Variants in PIK3R6 observed in about 807,000 individuals in gnomAD.
PIK3R6 encodes the protein phosphoinositide-3-kinase regulatory subunit 6.
A neutral mutation model predicts 84.9 loss-of-function variants in PIK3R6; 91 were observed. The ratio of observed to expected loss-of-function variants is 1.07; its 90% CI spans 0.90 to 1.28. PIK3R6 has a LOEUF of 1.28. Among genes scored for constraint, PIK3R6 ranks in the 50% most tolerant of loss-of-function variants. The pLI, the probability that PIK3R6 is intolerant of heterozygous loss-of-function variation, is 0.00. For missense variants in PIK3R6, 996 were observed against 985.1 expected, an observed-to-expected ratio of 1.01 and a Z score of -0.15; for synonymous variants, 416 against 411.4, an observed-to-expected ratio of 1.01 and a Z score of -0.13.
chr17:8,866,308 TG>T (rs1424165650), intron 1 of PIK3R6, among the ~76,000 whole-genome samples: 1 of 151,832 alleles, frequency 6.6e-6, no homozygotes, highest in Non-Finnish European at 1.5e-5. Context: ...GAGGCCGAGG[TG>T]GGTGGATCAC....
chr17:8,821,763 T>C lies in PIK3R6; in HGVS notation c.1879+83A>G, dbSNP rs1409870104. 4 of 1,401,746 alleles carry C rather than the reference T, an allele frequency of 2.9e-6. No individual in the cohort carries two copies. The East Asian group carries it at 7.6e-5, about 27-fold the overall frequency. The allele number at this position is 1,401,746 out of a possible 1,614,324, so 86.8% of individuals were successfully genotyped here. The stretch of plus-strand genomic sequence containing the variant: ...GTTCCGTGACTGAGAGGGCTCCCCC[T>C]TCTCCTGCCACTCTGCCCTCTCCCC... On this transcript the variant is annotated intron_variant, in intron 17 of 19. Transcript: ENST00000619866.
intron 1 of PIK3R6, among the ~76,000 whole-genome samples, chr17:8,853,973 A>C (rs2089055509): frequency 2.0e-5 from 3 of 152,080 alleles, no homozygotes; most frequent in African/African-American, 7.2e-5. Context: ...AAAAAAAAAA[A>C]AAAAGTCAAT....
intron 1 of PIK3R6, among the ~76,000 whole-genome samples, chr17:8,857,405 C>A (rs2089167254): frequency 6.6e-6 from 1 of 152,184 alleles, no homozygotes; most frequent in Non-Finnish European, 1.5e-5. Context: ...GGGGTCATGG[C>A]CACTTCCCCT....
intron 1 of PIK3R6, among the ~76,000 whole-genome samples, chr17:8,863,490 C>A (rs1488541348): frequency 1.3e-5 from 2 of 152,064 alleles, no homozygotes; most frequent in Non-Finnish European, 2.9e-5. Flanking sequence ...AAACTTCATA[C>A]CCTTTGACCA....
chr17:8,838,296 C>T (rs2088552932), intron 4 of PIK3R6: 1 of 471,080 alleles, frequency 2.1e-6, no homozygotes, highest in Admixed American at 3.6e-5. Context: ...TTATAGGTAC[C>T]TTCTGTTTCT....
intron 12 of PIK3R6, among the ~76,000 whole-genome samples, chr17:8,827,851 C>T (rs987008128): frequency 5.1e-5 from 7 of 136,364 alleles, no homozygotes; most frequent in Non-Finnish European, 1.1e-4. Context: ...CAACTAATTC[C>T]ATTACCTACA....
intron 8 of PIK3R6, among the ~76,000 whole-genome samples, chr17:8,833,839 C>T (rs533786896): frequency 1.1e-4 from 16 of 151,888 alleles, no homozygotes; most frequent in African/African-American, 3.1e-4. Context: ...CGCGCTTGGC[C>T]GAAAGTGACT....
intron 1 of PIK3R6, among the ~76,000 whole-genome samples, chr17:8,866,755 G>A (rs766426091): frequency 1.2e-4 from 19 of 152,100 alleles, no homozygotes; most frequent in Non-Finnish European, 2.2e-4. Context: ...CCCTGAGCCC[G>A]CACCCTGCAG....
intron 7 of PIK3R6, among the ~76,000 whole-genome samples, chr17:8,836,168 C>T (rs1057449807): frequency 3.3e-5 from 5 of 152,204 alleles, no homozygotes; most frequent in African/African-American, 7.2e-5. Flanking sequence ...TGAGCCCCTC[C>T]GCTATGGCTA....
intron 2 of PIK3R6, among the ~76,000 whole-genome samples, chr17:8,846,833 T>G (rs1228062480): frequency 6.6e-6 from 1 of 152,028 alleles, no homozygotes; most frequent in Non-Finnish European, 1.5e-5. Context: ...TCCCCTGCAG[T>G]TAGATAATAG....
At chr17:8,827,782 GA>G (rs1447318597) in intron 12 of PIK3R6, among the ~76,000 whole-genome samples, 1 of 135,272 alleles carries the variant, frequency 7.4e-6, no homozygotes, top group African/African-American at 3.3e-5. Context: ...GAGAGAGAGA[GA>G]GAGAGAGAGA....
At chr17:8,821,066 T>C (rs891366709) in intron 17 of PIK3R6, among the ~76,000 whole-genome samples, 6 of 152,240 alleles carry the variant, frequency 3.9e-5, no homozygotes, top group Non-Finnish European at 8.8e-5. Flanking sequence ...AGGGAATAGA[T>C]GGTGAACAAG....
At chr17:8,808,514 G>A (rs1038439084) in intron 18 of PIK3R6, among the ~76,000 whole-genome samples, 2 of 152,182 alleles carry the variant, frequency 1.3e-5, no homozygotes, top group Non-Finnish European at 2.9e-5. Flanking sequence ...AAATGGCAGA[G>A]GCAAGATCTG....
chr17:8,839,643 G>A lies in PIK3R6; in HGVS notation c.68C>T (p.Thr23Ile). 6.3e-7 allele frequency: 1 copy of A among 1,578,912 alleles called. No individual in the cohort carries two copies. The highest frequency in any genetic ancestry group is 8.6e-7 in the Non-Finnish European group (1 of 1,162,194). ...GTTGCTCTGCAGGGCAGGGGCCTGG[G>A]TGCTGAGCTCCCGGAGCACAGCCTG... ...SVQAVLRELS[T>I]QAPALQSNQG... The change falls in exon 3 of 20, where the codon ACC (threonine) becomes ATC (isoleucine). Residue 23 changes from threonine (T) to isoleucine (I), a missense_variant. By Grantham distance (89) the Thr-to-Ile change is moderately conservative. Transcript: ENST00000619866. This position sits in a 1 kb window ranked among gnomAD's most constrained non-coding sequence, Gnocchi z 4.2.
At position 8,821,855 on chromosome 17, in the gene PIK3R6, C is replaced by A; in HGVS notation, c.1870G>T (p.Asp624Tyr). The A allele has an allele frequency of 6.3e-7, 1 of 1,594,658 alleles. No homozygotes were observed. Among genetic ancestry groups the A allele is most frequent in the East Asian group, 2.3e-5 (1 of 44,146 alleles). The change falls in exon 17 of 20, where the codon GAC (aspartate) becomes TAC (tyrosine). Residue 624 changes from aspartate to tyrosine, a missense_variant. Transcript: ENST00000619866. ...GLILKAIPAS[D>Y]TEVSGSSHCP... ...ATTCCCCATTCCTCACCTTCTGTGT[C>A]GCTGGCTGGAATGGCCTTCAGGATC...
chr17:8,853,484 CA>C (rs56939877), intron 1 of PIK3R6, among the ~76,000 whole-genome samples: 5,602 of 104,402 alleles, frequency 0.054, 278 homozygotes, highest in African/African-American at 0.15. Context: ...GACTCCATCT[CA>C]AAAAAAAAAA....
At position 8,821,897 on chromosome 17, in the gene PIK3R6, G is replaced by A. The variant is rs1305499841; in HGVS notation, c.1828C>T (p.Leu610=). 4.4e-6 allele frequency: 7 copies of A among 1,595,194 alleles called. No individual in the cohort carries two copies. Among genetic ancestry groups the A allele is most frequent in the Non-Finnish European group, 6.0e-6 (7 of 1,170,906 alleles). Residue 610 remains leucine (L), a synonymous_variant, in exon 17 of 20, where the codon CTG becomes TTG. Transcript: ENST00000619866. The part of the protein sequence containing the change: ...SHRPREVTVS[L]RATGLILKAI... ...TTCAGGATCAGCCCAGTGGCCCGCA[G>A]GGAAACGGTGACCTCTCGGGGCCGG... is the stretch of plus-strand genomic sequence containing the variant.
chr17:8,812,084 G>A (rs1461559107), intron 18 of PIK3R6, among the ~76,000 whole-genome samples: 2 of 152,222 alleles, frequency 1.3e-5, no homozygotes, highest in African/African-American at 4.8e-5. Context: ...CATCTTAGAT[G>A]GATGGCAGCA....
chr17:8,819,689 T>TATATATATAC (rs374733654), intron 17 of PIK3R6, among the ~76,000 whole-genome samples: 1,799 of 135,792 alleles, frequency 0.013, 14 homozygotes, highest in Non-Finnish European at 0.019. Context: ...TATATATATA[T>TATATATATAC]ACACACACAC....
Sources: allele counts gnomAD v4.1 joint callset (sites outside exome capture counted in the v4.1 genomes callset), GRCh38; gene constraint gnomAD v4.1.1; non-coding constraint Gnocchi (gnomAD v3.1); transcripts MANE v1.5; gene names NCBI Gene and HGNC (gene_info 2026-07-23, HGNC 2026-07-21).